The following CFAP57 variants were observed in gnomAD, a reference collection of about 807,000 sequenced individuals.
CFAP57 encodes the protein cilia and flagella associated protein 57.
A neutral mutation model predicts 146.8 loss-of-function variants in CFAP57; 116 were observed. The ratio of observed to expected loss-of-function variants is 0.79; its 90% confidence interval spans 0.68 to 0.92. The LOEUF is 0.92. CFAP57 is among the 40% of genes least tolerant of loss of function. The probability of loss-of-function intolerance (pLI) is 0.00; values close to 1 mark genes in which losing one functional copy is unlikely to be tolerated. For missense variants in CFAP57, 1,377 were observed against 1,527.2 expected, an observed-to-expected ratio of 0.90 and a Z score of 1.64; for synonymous variants, 518 against 552.8, an observed-to-expected ratio of 0.94 and a Z score of 0.88.
rs1386547623 is a variant in CFAP57, at chr1:43,238,547, G to C, written c.3405+3909G>C. Among the ~76,000 whole-genome samples, 1 of 152,182 alleles carries C rather than the reference G, an allele frequency of 6.6e-6. No homozygotes were observed. Among genetic ancestry groups the C allele is most frequent in the Non-Finnish European group, 1.5e-5 (1 of 68,036 alleles). The stretch of plus-strand genomic sequence containing the variant: ...GATTTTGGAAGTCAAACTGACAAGG[G>C]AGAGATCAGGAAGAGAAGGCTCGGC... On this transcript the variant is annotated intron_variant, in intron 21 of 22. Transcript: ENST00000372492. The surrounding 1 kb of genome is among the most constrained non-coding windows in gnomAD (Gnocchi z 4.3).
intron 18 of CFAP57, among the ~76,000 whole-genome samples, chr1:43,229,708 C>T (rs1468205241): frequency 6.7e-6 from 1 of 148,656 alleles, no homozygotes; most frequent in Non-Finnish European, 1.5e-5. Flanking sequence ...TTTACTAGGG[C>T]AGGGTTTCTC....
intron 22 of CFAP57, chr1:43,250,206 C>T (rs920358961): frequency 2.0e-5 from 3 of 152,116 alleles, no homozygotes; most frequent in African/African-American, 7.2e-5. Context: ...AAACGAAAAT[C>T]CAATAATTTT....
intron 2 of CFAP57, among the ~76,000 whole-genome samples, chr1:43,181,196 C>T (rs61776948): frequency 6.6e-6 from 1 of 152,032 alleles, no homozygotes; most frequent in Non-Finnish European, 1.5e-5. Context: ...CTCAGCCTCC[C>T]GAGTAGCTGG....
Position 43,245,201 on chromosome 1 carries a change from C to T in CFAP57, c.3538+1842C>T, listed in dbSNP as rs547617467. On this transcript the variant is annotated intron_variant, in intron 22 of 22. Transcript: ENST00000372492. ...GCATATGCCTGTAGTCCCAGCTATTCGGGAGGTTGAGGTGTGAGGATTTTA... is the reference window on the plus strand; with the variant it reads ...GCATATGCCTGTAGTCCCAGCTATTTGGGAGGTTGAGGTGTGAGGATTTTA... Among the ~76,000 whole-genome samples the T allele has an allele frequency of 1.1e-4, 17 of 152,026 alleles. No individual in the cohort carries two copies. The East Asian group carries it at 2.3e-3, about 21-fold the overall frequency.
At chr1:43,173,713 T>G (rs1645065778) in intron 2 of CFAP57, among the ~76,000 whole-genome samples, 1 of 152,226 alleles carries the variant, frequency 6.6e-6, no homozygotes, top group South Asian at 2.1e-4. Flanking sequence ...TTCACTCTAA[T>G]ATTGAGGGAC....
intron 9 of CFAP57, 66 bp from the exon 10 acceptor site, chr1:43,206,654 C>T (rs778696853): frequency 1.9e-6 from 3 of 1,577,182 alleles, no homozygotes; most frequent in African/African-American, 1.4e-5. Context: ...GGAGTTTGCA[C>T]CCTTTTCTGT....
At position 43,253,585 on chromosome 1, in the gene CFAP57, G is replaced by A. The variant is rs578089011; in HGVS notation, c.3539-392G>A. On this transcript the variant is annotated intron_variant, in intron 22 of 22. Coordinates refer to ENST00000372492, the MANE Select transcript of CFAP57 (RefSeq NM_001378189.1). The stretch of plus-strand genomic sequence containing the variant: ...GAGGCACGAAGGGGTCTGTCTCCAG[G>A]AGCAGGGGTTTTGCACAAGGAGAAA... 1.1e-4 allele frequency among the ~76,000 whole-genome samples: 17 copies of A among 152,296 alleles called. No individual in the cohort carries two copies. In the East Asian group the frequency reaches 3.3e-3, roughly 29 times the overall value.
intron 18 of CFAP57, 44 bp from the exon 19 acceptor site, chr1:43,232,464 A>T: frequency 6.7e-7 from 1 of 1,497,536 alleles, no homozygotes; most frequent in Non-Finnish European, 9.1e-7. Context: ...AGTTTTCATT[A>T]TCTAACTTTC....
chr1:43,237,821 A>G (rs183628246), intron 21 of CFAP57, among the ~76,000 whole-genome samples: 1 of 151,126 alleles, frequency 6.6e-6, no homozygotes, highest in East Asian at 2.0e-4. Flanking sequence ...ATGCCATGCC[A>G]AAAAGTACAG....
At chr1:43,236,367 T>TA (rs1355532226) in intron 21 of CFAP57, among the ~76,000 whole-genome samples, 2 of 150,976 alleles carry the variant, frequency 1.3e-5, no homozygotes, top group Non-Finnish European at 3.0e-5. Flanking sequence ...CTGGAAGATT[T>TA]AAAAAAAAGA....
chr1:43,230,611 G>A (rs1645429532), intron 18 of CFAP57, among the ~76,000 whole-genome samples: 1 of 152,082 alleles, frequency 6.6e-6, no homozygotes, highest in Admixed American at 6.5e-5. Context: ...AGATGCGCCA[G>A]GCTGCCCATG....
chr1:43,174,072 T>G (rs1645079592), intron 2 of CFAP57, among the ~76,000 whole-genome samples: 1 of 152,224 alleles, frequency 6.6e-6, no homozygotes, highest in Non-Finnish European at 1.5e-5. Context: ...CTTGTTCAAG[T>G]CTTTTACTTG....
chr1:43,199,307 T>TGGGAAAA (rs1644008375), intron 8 of CFAP57, 83 bp from the exon 9 acceptor site: 8 of 1,347,894 alleles, frequency 5.9e-6, no homozygotes, highest in Non-Finnish European at 8.5e-6. Context: ...CTGAACTCGT[T>TGGGAAAA]GGGAAAAGCA....
chr1:43,221,462 A>G lies in CFAP57; in HGVS notation c.2338A>G (p.Met780Val), dbSNP rs1645040417. 9 of 1,525,320 alleles carry G rather than the reference A, an allele frequency of 5.9e-6. No homozygotes were observed. The highest frequency in any genetic ancestry group is 7.9e-6 in the Non-Finnish European group (9 of 1,135,690). The allele number at this position is 1,525,320 out of a possible 1,614,324, so 94.5% of individuals were successfully genotyped here. Residue 780 changes from methionine (M) to valine (V), a missense_variant, in exon 14 of 23, where the codon ATG (methionine) becomes GTG (valine). Physicochemically the swap from Met to Val is conservative, Grantham distance 21. Coordinates refer to ENST00000372492, the MANE Select transcript of CFAP57 (RefSeq NM_001378189.1). ...CAAGCAAAGCCGGGAACTGCAGGAC[A>G]TGGGTGAGCCCACAAGTAGAGGCCT... The part of the protein sequence containing the change: ...LDKQSRELQD[M>V]ECCNNQKLLL...
rs921943536 is a variant in CFAP57, at chr1:43,238,094, G to A, written c.3405+3456G>A. Among the ~76,000 whole-genome samples, 3 of 152,202 alleles carry A rather than the reference G, an allele frequency of 2.0e-5. No homozygotes were observed. The highest frequency in any genetic ancestry group is 3.9e-4 in the East Asian group (2 of 5,192). On this transcript the variant is annotated intron_variant, in intron 21 of 22. Transcript: ENST00000372492. The surrounding 1 kb of genome is among the most constrained non-coding windows in gnomAD (Gnocchi z 4.3). ...GACATGGGAGGAAGGTTGAAAGAAC[G>A]GAGAAGGATTCCAGGATGGCTCATT...
chr1:43,202,218 A>G (rs1390069778), intron 9 of CFAP57, among the ~76,000 whole-genome samples: 3 of 152,246 alleles, frequency 2.0e-5, no homozygotes, highest in Non-Finnish European at 2.9e-5. Flanking sequence ...TTAGAAATGA[A>G]AAAAGATACA....
intron 14 of CFAP57, 92 bp from the exon 15 acceptor site, chr1:43,222,013 C>T (rs1281669879): frequency 3.5e-6 from 4 of 1,141,958 alleles, no homozygotes; most frequent in Non-Finnish European, 4.7e-6. Flanking sequence ...CCAGCTGGTG[C>T]TGGAAGGGAT....
At chr1:43,207,060 C>T (rs1283428832) in intron 10 of CFAP57, 128 bp downstream of exon 10, 1 of 878,176 alleles carries the variant, frequency 1.1e-6, no homozygotes, top group Non-Finnish European at 1.8e-6. Context: ...CCCAAGATAA[C>T]ATCAGGCTCC....
At chr1:43,246,876 A>T (rs1196586777) in intron 22 of CFAP57, among the ~76,000 whole-genome samples, 1 of 152,234 alleles carries the variant, frequency 6.6e-6, no homozygotes, top group African/African-American at 2.4e-5. Flanking sequence ...ATTACTACTT[A>T]ATCCAAGTGA....
Sources: gnomAD v4.1 joint callset for allele counts (sites outside exome capture counted in the v4.1 genomes callset) on GRCh38, gnomAD v4.1.1 for gene constraint, Gnocchi (gnomAD v3.1) non-coding constraint, MANE v1.5 for transcripts, NCBI Gene and HGNC (gene_info 2026-07-23, HGNC 2026-07-21) for gene names.